The following RICTOR variants were observed in gnomAD, a reference collection of about 807,000 sequenced individuals.
The protein encoded by RICTOR is RPTOR independent companion of MTOR complex 2.
Under a neutral mutation model 214.9 loss-of-function variants are expected in RICTOR, and 49 were observed. The observed-to-expected ratio is 0.23, with a 90% CI of 0.18 to 0.29. The LOEUF (loss-of-function observed/expected upper bound fraction) is 0.29. Among genes scored for constraint, RICTOR ranks in the 10% least tolerant of loss-of-function variants. The pLI, the probability that RICTOR is intolerant of heterozygous loss-of-function variation, is 1.00. For missense variants in RICTOR, 1,625 were observed against 2,047.0 expected, an observed-to-expected ratio of 0.79 and a Z score of 3.98; for synonymous variants, 717 against 711.3, an observed-to-expected ratio of 1.01 and a Z score of -0.13.
intron 2 of RICTOR, among the ~76,000 whole-genome samples, chr5:39,028,725 A>G (rs555334144): frequency 3.5e-4 from 53 of 152,292 alleles, no homozygotes; most frequent in African/African-American, 1.2e-3. Context: ...ACATATTGGA[A>G]TATTAATCAA....
chr5:39,040,520 T>A (rs940055723), intron 2 of RICTOR, among the ~76,000 whole-genome samples: 1 of 151,294 alleles, frequency 6.6e-6, no homozygotes, highest in African/African-American at 2.4e-5. Context: ...CTATAATTAC[T>A]ATTTTAATTC....
chr5:39,039,086 C>A (rs1037968014), intron 2 of RICTOR, among the ~76,000 whole-genome samples: 3 of 152,140 alleles, frequency 2.0e-5, no homozygotes, highest in Non-Finnish European at 4.4e-5. Context: ...GCTACAGTAA[C>A]CAAAACAGCA....
intron 2 of RICTOR, among the ~76,000 whole-genome samples, chr5:39,033,686 G>C (rs1417451027): frequency 6.6e-6 from 1 of 152,124 alleles, no homozygotes; most frequent in African/African-American, 2.4e-5. Flanking sequence ...CTAGTAGTCA[G>C]GGGAGGAGGA....
chr5:39,018,208 A>G (rs1261617235), intron 3 of RICTOR, among the ~76,000 whole-genome samples: 2 of 152,130 alleles, frequency 1.3e-5, no homozygotes, highest in African/African-American at 2.4e-5. Context: ...CTGGGCTGCT[A>G]CTAGAGATCA....
intron 15 of RICTOR, among the ~76,000 whole-genome samples, chr5:38,965,951 T>C (rs1423443635): frequency 1.3e-5 from 2 of 152,158 alleles, no homozygotes; most frequent in African/African-American, 4.8e-5. Context: ...TTGTATTTAC[T>C]AACTAGTAAG....
chr5:38,964,670 A>T, intron 16 of RICTOR, 122 bp downstream of exon 16: 1 of 479,958 alleles, frequency 2.1e-6, no homozygotes, highest in East Asian at 3.4e-5. Flanking sequence ...CCTTTAGCAA[A>T]TTCCTTAAAA....
intron 7 of RICTOR, 72 bp downstream of exon 7, chr5:38,990,877 G>GATATATGATAT: frequency 1.2e-6 from 1 of 845,364 alleles, no homozygotes; most frequent in African/African-American, 1.8e-5. Flanking sequence ...ATATATGATA[G>GATATATGATAT]ATATATATAT....
At position 39,073,952 on chromosome 5, in the gene RICTOR, C is replaced by T. The variant is rs1201145809; in HGVS notation, c.97+159G>A. Among the ~76,000 whole-genome samples, 3 of 151,566 alleles carry T rather than the reference C, an allele frequency of 2.0e-5. No individual in the cohort carries two copies. The East Asian group carries it at 5.9e-4, about 30-fold the overall frequency. On this transcript the variant is annotated intron_variant, in intron 2 of 37. Transcript: ENST00000357387. The stretch of plus-strand genomic sequence containing the variant: ...GGGGGATGGGTCCGGCGAGGCGGCC[C>T]CGGGCTCGGTTCCCGCGGGCCGGCA...
At chr5:38,992,525 T>C (rs1271138231) in intron 6 of RICTOR, among the ~76,000 whole-genome samples, 4 of 152,176 alleles carry the variant, frequency 2.6e-5, no homozygotes, top group African/African-American at 9.6e-5. Context: ...CAATCCTCTC[T>C]TGTGCCTCAG....
At chr5:38,986,439 TAG>T (rs1430816429) in intron 7 of RICTOR, among the ~76,000 whole-genome samples, 2 of 152,308 alleles carry the variant, frequency 1.3e-5, no homozygotes, top group Admixed American at 6.5e-5. Flanking sequence ...CAGACTTTAG[TAG>T]ATTCTATAAT....
chr5:38,958,628 A>G lies in RICTOR; in HGVS notation c.2343+39T>C, dbSNP rs375525684. On this transcript the variant is annotated intron_variant, in intron 23 of 37. Coordinates refer to ENST00000357387, the MANE Select transcript of RICTOR (RefSeq NM_152756.5). ...CATAATTGTCAAATGAGTATTTCAA[A>G]AAAATTTAAGTATTAAATTATAAAA... 3.5e-5 allele frequency: 53 copies of G among 1,531,162 alleles called. No individual in the cohort carries two copies. In the African/African-American group the frequency reaches 7.1e-4, roughly 21 times the overall value. The allele number at this position is 1,531,162 out of a possible 1,614,324, so 94.8% of individuals were successfully genotyped here.
chr5:39,038,787 C>A (rs1169606480), intron 2 of RICTOR, among the ~76,000 whole-genome samples: 12 of 152,082 alleles, frequency 7.9e-5, no homozygotes, highest in Non-Finnish European at 1.6e-4. Context: ...TCAAGGAGAA[C>A]TACAAACCAC....
chr5:39,070,944 C>T (rs1162110760), intron 2 of RICTOR, among the ~76,000 whole-genome samples: 1 of 152,176 alleles, frequency 6.6e-6, no homozygotes, highest in Non-Finnish European at 1.5e-5. Context: ...GAACAAAACT[C>T]AGAGCAACCA....
chr5:38,983,976 C>G (rs1033609699), intron 7 of RICTOR, among the ~76,000 whole-genome samples: 1 of 151,766 alleles, frequency 6.6e-6, no homozygotes, highest in Non-Finnish European at 1.5e-5. Context: ...AAAACAAAAA[C>G]AAAACAAAAC....
chr5:39,014,531 A>C (rs1263060279), intron 3 of RICTOR, among the ~76,000 whole-genome samples: 1 of 152,134 alleles, frequency 6.6e-6, no homozygotes, highest in Non-Finnish European at 1.5e-5. Flanking sequence ...AGCAGAACAA[A>C]ATAAATATTC....
intron 7 of RICTOR, among the ~76,000 whole-genome samples, chr5:38,990,448 C>T (rs1358013788): frequency 6.6e-6 from 1 of 150,676 alleles, no homozygotes; most frequent in African/African-American, 2.5e-5. Context: ...CAAACCTACA[C>T]ATTCTGCACG....
intron 15 of RICTOR, among the ~76,000 whole-genome samples, chr5:38,965,779 T>C (rs577529306): frequency 1.3e-5 from 2 of 152,024 alleles, no homozygotes; most frequent in East Asian, 3.9e-4. Flanking sequence ...CATAGCCCAG[T>C]TGCTATGAAG....
chr5:39,074,279 A>G (rs2150230232), intron 1 of RICTOR, 50 bp downstream of exon 1: 1 of 1,537,988 alleles, frequency 6.5e-7, no homozygotes, highest in Non-Finnish European at 8.8e-7. Flanking sequence ...GGCAAGTGCC[A>G]GGGGTGGCGG....
intron 3 of RICTOR, among the ~76,000 whole-genome samples, chr5:39,005,980 TC>T (rs1174015774): frequency 6.6e-6 from 1 of 152,206 alleles, no homozygotes; most frequent in Non-Finnish European, 1.5e-5. Flanking sequence ...AAGTTTCTCA[TC>T]CCAGGTAGCC....
Sources: gnomAD v4.1 joint callset for allele counts (sites outside exome capture counted in the v4.1 genomes callset) on GRCh38, gnomAD v4.1.1 for gene constraint, MANE v1.5 for transcripts, NCBI Gene and HGNC (gene_info 2026-07-23, HGNC 2026-07-21) for gene names.